FAM135B: variants seen among roughly 807,000 people sequenced by gnomAD.
The protein encoded by FAM135B is protein FAM135B.
FAM135B carries 43 observed loss-of-function variants against 127.7 expected under a neutral mutation model. That is an observed-to-expected ratio of 0.34 (90% CI 0.26 to 0.43). The LOEUF (loss-of-function observed/expected upper bound fraction) is 0.43. Among genes scored for constraint, FAM135B ranks in the 20% least tolerant of loss-of-function variants. The pLI is 1.00. For synonymous variants in FAM135B, 670 were observed against 665.1 expected, an observed-to-expected ratio of 1.01 and a Z score of -0.11; for missense variants, 1,558 against 1,725.6, an observed-to-expected ratio of 0.90 and a Z score of 1.72.
chr8:138,449,330 T>C (rs1371761681), intron 1 of FAM135B, among the ~76,000 whole-genome samples: 3 of 152,096 alleles, frequency 2.0e-5, no homozygotes, highest in Non-Finnish European at 2.9e-5. Context: ...TGGCCCGGAT[T>C]ACAGCTGAGA....
intron 6 of FAM135B, among the ~76,000 whole-genome samples, chr8:138,247,758 T>C (rs542587305): frequency 6.6e-6 from 1 of 152,348 alleles, no homozygotes; most frequent in African/African-American, 2.4e-5. Flanking sequence ...AACATAGATC[T>C]TACCAGGTAA....
At position 138,310,932 on chromosome 8, in the gene FAM135B, G is replaced by C. The variant is rs2130894252; in HGVS notation, c.78-12C>G. ...GGATCTGGTAATACCTAAGAAAAGA[G>C]AAGAGGACAGGGTGCTGAAGATCAG... On this transcript the variant is annotated splice_polypyrimidine_tract_variant and intron_variant, in intron 2 of 19. Coordinates refer to ENST00000395297, the MANE Select transcript of FAM135B (RefSeq NM_015912.4). 6.2e-7 allele frequency: 1 copy of C among 1,608,298 alleles called. No homozygotes were observed. The highest frequency in any genetic ancestry group is 8.5e-7 in the Non-Finnish European group (1 of 1,176,454).
At chr8:138,387,857 T>A (rs1413695000) in intron 1 of FAM135B, among the ~76,000 whole-genome samples, 1 of 152,152 alleles carries the variant, frequency 6.6e-6, no homozygotes, top group African/African-American at 2.4e-5. Flanking sequence ...GCCTCCTCCA[T>A]CCTCTACCCA....
intron 3 of FAM135B, among the ~76,000 whole-genome samples, chr8:138,286,770 G>T (rs1442089752): frequency 6.6e-6 from 1 of 152,156 alleles, no homozygotes; most frequent in Non-Finnish European, 1.5e-5. Context: ...GACATCCAAG[G>T]CACACTCAGT....
intron 1 of FAM135B, among the ~76,000 whole-genome samples, chr8:138,404,351 C>G (rs1833330700): frequency 6.6e-6 from 1 of 152,106 alleles, no homozygotes; most frequent in Admixed American, 6.6e-5. Context: ...CTTCAGTGAG[C>G]CATATCTTTT....
chr8:138,247,227 A>G (rs1007118935), intron 6 of FAM135B, among the ~76,000 whole-genome samples: 3 of 152,194 alleles, frequency 2.0e-5, no homozygotes, highest in Admixed American at 6.5e-5. Flanking sequence ...GTGTTTTGAA[A>G]CGCAAGGGCA....
intron 7 of FAM135B, among the ~76,000 whole-genome samples, chr8:138,213,883 T>C (rs7461638): frequency 0.67 from 102,338 of 151,988 alleles, 34,604 homozygotes; most frequent in Middle Eastern, 0.78. Context: ...TCTGTAGCCC[T>C]GAAGACTTGT....
At chr8:138,171,818 C>A (rs149857397) in intron 11 of FAM135B, among the ~76,000 whole-genome samples, 1 of 152,222 alleles carries the variant, frequency 6.6e-6, no homozygotes, top group African/African-American at 2.4e-5. Context: ...TAGTGGGTTT[C>A]TTTACATGTG....
In FAM135B at chr8:138,243,362, C is replaced by T. The variant is rs867608677; in HGVS notation, c.543-294G>A. Among the ~76,000 whole-genome samples, 1 of 152,180 alleles carries T rather than the reference C, an allele frequency of 6.6e-6. No homozygotes were observed. The highest frequency in any genetic ancestry group is 2.4e-5 in the African/African-American group (1 of 41,438). ...TGTAAGAAACACTGAAGCAGAGCTC[C>T]AAGCTTATATCACTAGAGGGGAAGG... is the stretch of plus-strand genomic sequence containing the variant. On this transcript the variant is annotated intron_variant, in intron 6 of 19. Coordinates refer to ENST00000395297, the MANE Select transcript of FAM135B (RefSeq NM_015912.4). This position sits in a 1 kb window ranked among gnomAD's most constrained non-coding sequence, Gnocchi z 7.5.
intron 7 of FAM135B, among the ~76,000 whole-genome samples, chr8:138,206,990 G>T (rs1057256427): frequency 2.0e-5 from 3 of 151,930 alleles, no homozygotes; most frequent in Non-Finnish European, 1.5e-5. Flanking sequence ...CCTATGCATG[G>T]CTCCAGCATC....
chr8:138,153,286 T>C, intron 12 of FAM135B, 70 bp from the exon 13 acceptor site: 2 of 1,265,194 alleles, frequency 1.6e-6, no homozygotes, highest in African/African-American at 1.5e-5. Flanking sequence ...TCCAAATGTC[T>C]AACTGTATAA....
intron 2 of FAM135B, among the ~76,000 whole-genome samples, chr8:138,335,260 G>A (rs1003953041): frequency 1.3e-5 from 2 of 152,144 alleles, no homozygotes; most frequent in African/African-American, 4.8e-5. Flanking sequence ...CCACAGAGGT[G>A]AGAGGAAGAA....
At position 138,203,853 on chromosome 8, in the gene FAM135B, T is replaced by C. The variant is rs376293694; in HGVS notation, c.670-6184A>G. On this transcript the variant is annotated intron_variant, in intron 7 of 19. Transcript: ENST00000395297. ...AGCTTGTTTTTCTGGAACTAGATGG[T>C]CCCATCTGGGGGTGATGGGAGACAG... Among the ~76,000 whole-genome samples, 57 of 152,264 alleles carry C rather than the reference T, an allele frequency of 3.7e-4. 2 individuals carry two copies. In the South Asian group the frequency reaches 0.012, roughly 32 times the overall value.
At chr8:138,144,697 CAAT>C (rs529591067) in intron 15 of FAM135B, among the ~76,000 whole-genome samples, 161 of 152,254 alleles carry the variant, frequency 1.1e-3, no homozygotes, top group Middle Eastern at 3.4e-3. Context: ...AAAGTAACAA[CAAT>C]GAGTGCATAA....
At chr8:138,221,531 T>C (rs980299836) in intron 7 of FAM135B, among the ~76,000 whole-genome samples, 3 of 152,088 alleles carry the variant, frequency 2.0e-5, no homozygotes, top group African/African-American at 7.2e-5. Context: ...AGAATGCAAA[T>C]TGCAGGGAGT....
chr8:138,168,203 C>T (rs1820122205), intron 11 of FAM135B, among the ~76,000 whole-genome samples, 154 bp from the exon 12 acceptor site: 1 of 152,124 alleles, frequency 6.6e-6, no homozygotes, highest in South Asian at 2.1e-4. Flanking sequence ...CTACTTAGCC[C>T]CCAGAGCCAT....
intron 1 of FAM135B, among the ~76,000 whole-genome samples, chr8:138,385,739 G>A (rs959928114): frequency 6.6e-6 from 1 of 151,732 alleles, no homozygotes; most frequent in African/African-American, 2.4e-5. Context: ...TTGAACCCAG[G>A]AGACAGCAGT....
At chr8:138,269,357 ATCT>A (rs2130662139) in intron 3 of FAM135B, among the ~76,000 whole-genome samples, 1 of 152,320 alleles carries the variant, frequency 6.6e-6, no homozygotes, top group South Asian at 2.1e-4. Context: ...CTTAGGGACC[ATCT>A]ACTTGTGGAC....
intron 7 of FAM135B, among the ~76,000 whole-genome samples, chr8:138,221,845 G>A (rs1453856945): frequency 2.0e-5 from 3 of 152,152 alleles, no homozygotes; most frequent in Non-Finnish European, 2.9e-5. Flanking sequence ...ATATATGAGT[G>A]TGCACACACA....
Sources: gnomAD v4.1 joint callset for allele counts (sites outside exome capture counted in the v4.1 genomes callset) on GRCh38, gnomAD v4.1.1 for gene constraint, Gnocchi (gnomAD v3.1) non-coding constraint, MANE v1.5 for transcripts, NCBI Gene and HGNC (gene_info 2026-07-23, HGNC 2026-07-21) for gene names.